The following ZNF560 variants were observed in gnomAD, a reference collection of about 807,000 sequenced individuals.
ZNF560 encodes zinc finger protein 560.
In ZNF560, 54 loss-of-function variants were observed where a neutral mutation model predicts 81.8. The observed-to-expected ratio is 0.66, with a 90% CI of 0.53 to 0.83. The LOEUF (loss-of-function observed/expected upper bound fraction) is 0.83. Among genes scored for constraint, ZNF560 ranks in the 40% least tolerant of loss-of-function variants. The pLI is 0.00. For synonymous variants in ZNF560, 321 were observed against 317.9 expected (o/e 1.01, Z -0.10); for missense variants, 940 against 932.4 (o/e 1.01, Z -0.11).
At chr19:9,465,310 T>G (rs926340380), downstream of ZNF560, among the ~76,000 whole-genome samples, 1 of 152,106 alleles carries the variant, frequency 6.6e-6, no homozygotes, top group Admixed American at 6.5e-5. Flanking sequence ...TTTGTATTTT[T>G]AGTAGAGACA....
downstream of ZNF560, among the ~76,000 whole-genome samples, chr19:9,463,179 A>G (rs1209192351): frequency 6.6e-6 from 1 of 152,258 alleles, no homozygotes; most frequent in Non-Finnish European, 1.5e-5. Flanking sequence ...AGGATGTTAA[A>G]GAATGTTGAA....
the ZNF560 span, among the ~76,000 whole-genome samples, chr19:9,451,326 A>G: frequency 1.3e-5 from 2 of 152,212 alleles, no homozygotes; most frequent in African/African-American, 4.8e-5. Context: ...CCACATACCT[A>G]CAACCATCTG....
the ZNF560 span, among the ~76,000 whole-genome samples, chr19:9,457,373 C>T: frequency 6.6e-6 from 1 of 152,190 alleles, no homozygotes; most frequent in Non-Finnish European, 1.5e-5. Flanking sequence ...GAACAGTTTG[C>T]AATTACGATT....
chr19:9,466,563 A>T lies in ZNF560; in HGVS notation c.*11T>A. The T allele has an allele frequency of 7.7e-6, 12 of 1,562,818 alleles. No individual in the cohort carries two copies. Among genetic ancestry groups the T allele is most frequent in the African/African-American group, 1.4e-5 (1 of 72,964 alleles). ...GTTTTTCCACATTCTTCACATCCAC[A>T]GGGCTTCTCTCTAGTGTGTTTTCAA... On this transcript the variant is annotated 3_prime_UTR_variant, in exon 10 of 10. Coordinates refer to ENST00000301480, the MANE Select transcript of ZNF560 (RefSeq NM_152476.3).
At chr19:9,491,999 G>A (rs1411778974) in intron 2 of ZNF560, among the ~76,000 whole-genome samples, 2 of 110 alleles carry the variant, frequency 0.018, no homozygotes, top group African/African-American at 0.077. Flanking sequence ...CTTTTGGGGG[G>A]GGGACAGGTC....
intron 2 of ZNF560, among the ~76,000 whole-genome samples, chr19:9,487,763 AG>A (rs758742712): frequency 1.3e-5 from 2 of 152,340 alleles, no homozygotes; most frequent in South Asian, 4.1e-4. Context: ...TTGTAGCATA[AG>A]TACCTTATCA....
upstream of ZNF560, among the ~76,000 whole-genome samples, chr19:9,500,340 G>C (rs117536078): frequency 1.2e-4 from 18 of 147,924 alleles, no homozygotes; most frequent in East Asian, 3.7e-3. Flanking sequence ...TTTGCAGTGA[G>C]TGGAGATGGC....
intron 2 of ZNF560, among the ~76,000 whole-genome samples, chr19:9,484,532 G>A (rs566663561): frequency 2.7e-4 from 41 of 151,650 alleles, no homozygotes; most frequent in African/African-American, 9.0e-4. Flanking sequence ...CTGTAATTCC[G>A]GCACTTTGGG....
intron 2 of ZNF560, among the ~76,000 whole-genome samples, chr19:9,489,788 C>T (rs2073443033): frequency 6.6e-6 from 1 of 152,128 alleles, no homozygotes; most frequent in Non-Finnish European, 1.5e-5. Flanking sequence ...GACAGGGTTT[C>T]ACTGTGTTAG....
At chr19:9,462,466 C>T (rs181412368), downstream of ZNF560, among the ~76,000 whole-genome samples, 316 of 152,288 alleles carry the variant, frequency 2.1e-3, 4 homozygotes, top group African/African-American at 7.1e-3. Context: ...ATAGGTGGGT[C>T]AAACTCTGTT....
chr19:9,472,940 T>C lies in ZNF560; in HGVS notation c.238+239A>G, dbSNP rs544643958. On this transcript the variant is annotated intron_variant, in intron 5 of 9. Coordinates refer to ENST00000301480, the MANE Select transcript of ZNF560 (RefSeq NM_152476.3). ...TTACTCCCTTTCTCATCATGTAATT[T>C]GTCTGCTCCTCCTTTGCCTTCTGCC... 8.5e-5 allele frequency among the ~76,000 whole-genome samples: 13 copies of C among 152,310 alleles called. No individual in the cohort carries two copies. The South Asian group carries it at 2.5e-3, about 29-fold the overall frequency.
chr19:9,470,576 G>T, intron 6 of ZNF560, 58 bp from the exon 7 acceptor site: 2 of 1,613,452 alleles, frequency 1.2e-6, no homozygotes, highest in South Asian at 1.1e-5. Flanking sequence ...AATGTTGGCT[G>T]AAGAATGAGG....
rs1193235956 is a variant in ZNF560 at position 9,467,946 on chromosome 19, C to T, written c.1001G>A (p.Ser334Asn). 1 of 1,614,144 alleles carries T rather than the reference C, an allele frequency of 6.2e-7. No homozygotes were observed. The highest frequency in any genetic ancestry group is 2.2e-5 in the East Asian group (1 of 44,880). Residue 334 changes from serine to asparagine, a missense_variant, in exon 10 of 10, where the codon AGC becomes AAC. By Grantham distance (46) the Ser-to-Asn change is conservative. Coordinates refer to ENST00000301480, the MANE Select transcript of ZNF560 (RefSeq NM_152476.3). ...QCGEAFTHST[S>N]HAVNVETHII... ...GTGTGTTTCAACATTTACAGCATGG[C>T]TTGTGGAGTGAGTAAATGCTTCCCC...
At chr19:9,461,291 T>G in the ZNF560 span, among the ~76,000 whole-genome samples, 8 of 152,198 alleles carry the variant, frequency 5.3e-5, no homozygotes, top group Non-Finnish European at 1.2e-4. Flanking sequence ...GGAAGGTAGA[T>G]TGTCCTCTTG....
At chr19:9,461,291 T>C in the ZNF560 span, among the ~76,000 whole-genome samples, 4 of 152,198 alleles carry the variant, frequency 2.6e-5, no homozygotes, top group African/African-American at 4.8e-5. Flanking sequence ...GGAAGGTAGA[T>C]TGTCCTCTTG....
chr19:9,467,959 T>C lies in ZNF560; in HGVS notation c.988A>G (p.Thr330Ala). The C allele has an allele frequency of 6.2e-7, 1 of 1,614,120 alleles. No homozygotes were observed. Among genetic ancestry groups the C allele is most frequent in the East Asian group, 2.2e-5 (1 of 44,868 alleles). The change falls in exon 10 of 10, where the codon ACT becomes GCT. Residue 330 changes from threonine (T) to alanine (A), a missense_variant. Thr to Ala is a moderately conservative substitution (Grantham distance 58). Transcript: ENST00000301480. ...TTTACAGCATGGCTTGTGGAGTGAG[T>C]AAATGCTTCCCCACATTGCTTCCAT... ...NEWKQCGEAF[T>A]HSTSHAVNVE...
intron 2 of ZNF560, among the ~76,000 whole-genome samples, chr19:9,487,613 G>T (rs1347737513): frequency 6.6e-6 from 1 of 152,196 alleles, no homozygotes; most frequent in Non-Finnish European, 1.5e-5. Flanking sequence ...AAGCATGTAG[G>T]GAGCTAAGAG....
chr19:9,468,554 A>G (rs2073070933), intron 9 of ZNF560, among the ~76,000 whole-genome samples: 1 of 152,146 alleles, frequency 6.6e-6, no homozygotes, highest in Non-Finnish European at 1.5e-5. Context: ...CTTTTCATGA[A>G]GTTATTTTAA....
At chr19:9,485,549 A>ATT (rs762144861) in intron 2 of ZNF560, among the ~76,000 whole-genome samples, 3 of 141,194 alleles carry the variant, frequency 2.1e-5, no homozygotes, top group Non-Finnish European at 3.1e-5. Flanking sequence ...TAACCAAAAG[A>ATT]TTTTTTTTTT....
Sources: allele counts gnomAD v4.1 joint callset (sites outside exome capture counted in the v4.1 genomes callset), GRCh38; gene constraint gnomAD v4.1.1; transcripts MANE v1.5; gene names NCBI Gene and HGNC (gene_info 2026-07-23, HGNC 2026-07-21).